COL4A6: variants seen among roughly 807,000 people sequenced by gnomAD.
COL4A6 encodes collagen alpha-6(IV) chain.
In COL4A6, 59 loss-of-function variants were observed where a neutral mutation model predicts 126.7. The observed-to-expected ratio is 0.47, with a 90% CI of 0.38 to 0.58. The LOEUF (loss-of-function observed/expected upper bound fraction) is 0.58, where lower values mean the gene tolerates loss of function less well. COL4A6 is among the 20% of genes least tolerant of loss of function. COL4A6 has a pLI of 0.00. For missense variants in COL4A6, 1,285 were observed against 1,337.3 expected, an observed-to-expected ratio of 0.96 and a Z score of 0.61; for synonymous variants, 547 against 496.6, an observed-to-expected ratio of 1.10 and a Z score of -1.35.
At chrX:108,175,473 C>T (rs1360285531) in intron 29 of COL4A6, among the ~76,000 whole-genome samples, 181 bp downstream of exon 29, 1 of 112,050 alleles carries the variant, frequency 8.9e-6, no homozygotes, top group Non-Finnish European at 1.9e-5. Flanking sequence ...TGGCCTTTAA[C>T]ATGCAGTGTT....
intron 3 of COL4A6, chrX:108,269,269 C>A: frequency 3.4e-6 from 1 of 295,490 alleles, no homozygotes; most frequent in Non-Finnish European, 6.5e-6. Context: ...GAGAGCAAAG[C>A]ACACTGTCAG....
chrX:108,175,815 C>T lies in COL4A6; in HGVS notation c.2687-18G>A. 2 of 1,175,269 alleles carry T rather than the reference C, an allele frequency of 1.7e-6. No homozygotes were observed. Among genetic ancestry groups the T allele is most frequent in the Admixed American group, 5.2e-5 (2 of 38,479 alleles). The stretch of plus-strand genomic sequence containing the variant: ...CTTCTCTCCTGTTGAAAAACAAGAA[C>T]TTTTATTATCACTCCCATTTTACAT... On this transcript the variant is annotated intron_variant, in intron 28 of 44. Coordinates refer to ENST00000334504, the MANE Select transcript of COL4A6 (RefSeq NM_033641.4).
chrX:108,282,992 T>G (rs2037888604), intron 3 of COL4A6, among the ~76,000 whole-genome samples: 1 of 68,566 alleles, frequency 1.5e-5, no homozygotes, highest in African/African-American at 5.9e-5. Context: ...CTCTGGGGAC[T>G]GTTGTGGGGT....
At position 108,187,941 on chromosome X, in the gene COL4A6, A is replaced by T; in HGVS notation, c.1674T>A (p.Asp558Glu). The T allele has an allele frequency of 8.3e-7, 1 of 1,208,697 alleles. No individual in the cohort carries two copies. Among genetic ancestry groups the T allele is most frequent in the South Asian group, 1.8e-5 (1 of 56,405 alleles). Residue 558 changes from aspartate to glutamate, a missense_variant, in exon 22 of 45, where the codon GAT (aspartate) becomes GAA (glutamate). Coordinates refer to ENST00000334504, the MANE Select transcript of COL4A6 (RefSeq NM_033641.4). ...AGCCCTGGGAGCCAGAATCACCCCGATCTCCTGGCATTCCTTGGATTGTAC... is the reference window on the plus strand; with the variant it reads ...AGCCCTGGGAGCCAGAATCACCCCGTTCTCCTGGCATTCCTTGGATTGTAC... ...ILSTIQGMPG[D>E]RGDSGSQGFR...
chrX:108,365,149 T>C (rs2040169951), intron 2 of COL4A6, among the ~76,000 whole-genome samples: 1 of 112,000 alleles, frequency 8.9e-6, no homozygotes, highest in Non-Finnish European at 1.9e-5. Flanking sequence ...TTTCTACTTC[T>C]TCATTTCCCA....
chrX:108,319,948 A>T (rs1270674817), intron 2 of COL4A6, among the ~76,000 whole-genome samples: 1 of 112,075 alleles, frequency 8.9e-6, no homozygotes, highest in Non-Finnish European at 1.9e-5. Context: ...GATGGTATCT[A>T]ATACAGAAGT....
At chrX:108,337,406 A>C (rs753268646) in intron 2 of COL4A6, among the ~76,000 whole-genome samples, 5 of 112,600 alleles carry the variant, frequency 4.4e-5, no homozygotes, top group South Asian at 3.7e-4. Flanking sequence ...TATTGCTGAC[A>C]TGTAAAACAG....
chrX:108,372,076 G>A (rs888751604), intron 2 of COL4A6, among the ~76,000 whole-genome samples: 1 of 110,990 alleles, frequency 9.0e-6, no homozygotes, highest in East Asian at 2.8e-4. Flanking sequence ...CTAAGGAGTT[G>A]GTTAAAGCGC....
chrX:108,270,026 T>C (rs1238766519), intron 3 of COL4A6, among the ~76,000 whole-genome samples: 1 of 112,126 alleles, frequency 8.9e-6, no homozygotes, highest in African/African-American at 3.2e-5. Flanking sequence ...CAGCCTCTTA[T>C]GGAATCTTGG....
intron 3 of COL4A6, among the ~76,000 whole-genome samples, chrX:108,253,000 G>A (rs777273392): frequency 1.8e-5 from 2 of 111,382 alleles, no homozygotes; most frequent in African/African-American, 6.5e-5. Context: ...GTACCTCAAC[G>A]CAGTAAAGGC....
At chrX:108,178,616 C>A in intron 27 of COL4A6, 68 bp downstream of exon 27, 4 of 1,105,040 alleles carry the variant, frequency 3.6e-6, no homozygotes, top group Non-Finnish European at 4.9e-6. Context: ...TATTGCCCCC[C>A]CAGGGCATCT....
intron 2 of COL4A6, among the ~76,000 whole-genome samples, chrX:108,349,614 T>C (rs1239410784): frequency 3.6e-5 from 4 of 111,762 alleles, no homozygotes; most frequent in Non-Finnish European, 7.5e-5. Context: ...ACAATCATAG[T>C]AGCAGGCACC....
chrX:108,339,616 G>T (rs776439172), intron 2 of COL4A6, among the ~76,000 whole-genome samples: 1 of 111,367 alleles, frequency 9.0e-6, no homozygotes, highest in African/African-American at 3.3e-5. Context: ...TGTGGATGAT[G>T]GCAATATACT....
At chrX:108,253,389 G>T (rs937559507) in intron 3 of COL4A6, among the ~76,000 whole-genome samples, 1 of 111,660 alleles carries the variant, frequency 9.0e-6, no homozygotes, top group Non-Finnish European at 1.9e-5. Context: ...CATCAACAAA[G>T]GAAATAATCA....
intron 2 of COL4A6, among the ~76,000 whole-genome samples, chrX:108,409,943 T>C (rs1444756837): frequency 9.0e-6 from 1 of 111,697 alleles, no homozygotes. Flanking sequence ...TCCAGGCTTG[T>C]CTCTTGAAGT....
intron 3 of COL4A6, among the ~76,000 whole-genome samples, chrX:108,277,100 C>T (rs2037628183): frequency 9.0e-6 from 1 of 111,730 alleles, no homozygotes; most frequent in South Asian, 3.8e-4. Context: ...TTCTGCATTT[C>T]CATCTGAGGT....
rs2035481352 is a variant in COL4A6, at chrX:108,204,392, G to C, written c.708C>G (p.Gly236=). ...KGVKGDVGLP[G]PAGPPPSTGE... Reference sequence around the variant, plus strand: ...CAGTAGATGGTGGAGGTCCTGCTGGGCCAGGGAGGCCAACATCCCCCTGTA... The same window carrying C: ...CAGTAGATGGTGGAGGTCCTGCTGGCCCAGGGAGGCCAACATCCCCCTGTA... Residue 236 remains glycine (G), a synonymous_variant, in exon 12 of 45, where the codon GGC becomes GGG. Transcript: ENST00000334504. 1 of 1,204,196 alleles carries C rather than the reference G, an allele frequency of 8.3e-7. No individual in the cohort carries two copies. The highest frequency in any genetic ancestry group is 2.3e-4 in the Middle Eastern group (1 of 4,301).
intron 2 of COL4A6, among the ~76,000 whole-genome samples, chrX:108,421,817 T>C (rs2063986054): frequency 8.9e-6 from 1 of 111,773 alleles, no homozygotes; most frequent in Admixed American, 9.5e-5. Flanking sequence ...GGCGGGGCCA[T>C]GGAAGTGGTA....
rs542923362 is a variant in COL4A6 at position 108,394,211 on chromosome X, C to T, written c.63+43731G>A. Among the ~76,000 whole-genome samples the T allele has an allele frequency of 5.2e-4, 57 of 110,220 alleles. 1 individual carries two copies. In the South Asian group the frequency reaches 0.011, roughly 22 times the overall value. On this transcript the variant is annotated intron_variant, in intron 2 of 44. Coordinates refer to ENST00000334504, the MANE Select transcript of COL4A6 (RefSeq NM_033641.4). ...AAGACTGCATGTTCTCGCTGATAAG[C>T]GGGAGTTGAACGATGAGAGTGCATG...
Sources: allele counts gnomAD v4.1 joint callset (sites outside exome capture counted in the v4.1 genomes callset), GRCh38; gene constraint gnomAD v4.1.1; transcripts MANE v1.5; gene names NCBI Gene and HGNC (gene_info 2026-07-23, HGNC 2026-07-21).